The following SDK1 variants were observed in gnomAD, a reference collection of about 807,000 sequenced individuals.
SDK1 encodes sidekick cell adhesion molecule 1.
In SDK1, 157 loss-of-function variants were observed where a neutral mutation model predicts 245.5. The ratio of observed to expected loss-of-function variants is 0.64; its 90% CI spans 0.56 to 0.73. The LOEUF is 0.73. Ranked by LOEUF, SDK1 falls within the 30% of genes least tolerant of loss-of-function variation. The pLI, the probability that SDK1 is intolerant of heterozygous loss-of-function variation, is 0.00. For synonymous variants in SDK1, 1,647 were observed against 1,278.5 expected (o/e 1.29, Z -6.15); for missense variants, 3,583 against 3,002.3 (o/e 1.19, Z -4.52).
intron 4 of SDK1, among the ~76,000 whole-genome samples, chr7:3,800,838 T>C (rs1038474022): frequency 1.3e-5 from 2 of 152,310 alleles, no homozygotes; most frequent in East Asian, 1.9e-4. Flanking sequence ...CTGTAGAAAC[T>C]GTGGTGCATT....
intron 1 of SDK1, among the ~76,000 whole-genome samples, chr7:3,456,510 T>G (rs1277957717): frequency 6.6e-6 from 1 of 152,254 alleles, no homozygotes; most frequent in African/African-American, 2.4e-5. Context: ...GCTCATTCAG[T>G]GAGTTTATCT....
intron 25 of SDK1, among the ~76,000 whole-genome samples, chr7:4,119,471 A>T (rs550557690): frequency 1.0e-4 from 15 of 148,102 alleles, no homozygotes; most frequent in African/African-American, 3.7e-4. Context: ...AAATAATAAG[A>T]ATGGCTCATA....
At chr7:4,156,535 G>A (rs1780750406) in intron 30 of SDK1, among the ~76,000 whole-genome samples, 1 of 152,232 alleles carries the variant, frequency 6.6e-6, no homozygotes, top group South Asian at 2.1e-4. Flanking sequence ...ACCAGACCAG[G>A]TTCTGGAGGG....
chr7:4,109,973 T>C (rs1783229982), intron 22 of SDK1, among the ~76,000 whole-genome samples: 1 of 152,018 alleles, frequency 6.6e-6, no homozygotes, highest in Non-Finnish European at 1.5e-5. Context: ...CTGGGGAACT[T>C]GGAGGGCACC....
chr7:3,984,602 A>G (rs1051977207), intron 13 of SDK1, among the ~76,000 whole-genome samples: 3 of 152,030 alleles, frequency 2.0e-5, no homozygotes, highest in African/African-American at 7.3e-5. Flanking sequence ...ACCTGGCCCG[A>G]GAATGTCTGT....
intron 4 of SDK1, among the ~76,000 whole-genome samples, chr7:3,703,225 A>G (rs528266800): frequency 7.9e-5 from 12 of 152,304 alleles, no homozygotes; most frequent in East Asian, 7.7e-4. Flanking sequence ...GTATTTTTCA[A>G]TGAGTGAATA....
At chr7:4,031,538 T>C (rs1787817612) in intron 17 of SDK1, among the ~76,000 whole-genome samples, 2 of 150,622 alleles carry the variant, frequency 1.3e-5, no homozygotes, top group African/African-American at 4.9e-5. Flanking sequence ...CTAAAACATA[T>C]CAAAAAAGAG....
At chr7:3,453,820 A>T (rs1254204185) in intron 1 of SDK1, among the ~76,000 whole-genome samples, 1 of 152,108 alleles carries the variant, frequency 6.6e-6, no homozygotes, top group Non-Finnish European at 1.5e-5. Flanking sequence ...TCCTGGACTC[A>T]AATGATCTCC....
chr7:3,906,726 C>G (rs1778955333), intron 5 of SDK1, among the ~76,000 whole-genome samples: 1 of 137,068 alleles, frequency 7.3e-6, no homozygotes, highest in Non-Finnish European at 1.5e-5. Flanking sequence ...CTCCCAGGTT[C>G]AAGCAATTAT....
chr7:3,696,357 G>A (rs1239791065), intron 4 of SDK1, among the ~76,000 whole-genome samples: 2 of 151,992 alleles, frequency 1.3e-5, no homozygotes, highest in African/African-American at 4.8e-5. Flanking sequence ...GTGCCCTGAC[G>A]TCCAAGGGAC....
At chr7:3,595,550 A>G (rs56995955) in intron 1 of SDK1, among the ~76,000 whole-genome samples, 16,770 of 152,074 alleles carry the variant, frequency 0.11, 1,518 homozygotes, top group East Asian at 0.35. Flanking sequence ...ATATTTAATT[A>G]TGCAGTTATA....
intron 4 of SDK1, among the ~76,000 whole-genome samples, chr7:3,774,484 G>A (rs1400150347): frequency 1.3e-5 from 2 of 152,206 alleles, no homozygotes; most frequent in East Asian, 3.9e-4. Context: ...CCATGGGACT[G>A]GGGCATGGGA....
At chr7:3,305,514 A>T (rs981439326) in intron 1 of SDK1, among the ~76,000 whole-genome samples, 9 of 152,024 alleles carry the variant, frequency 5.9e-5, no homozygotes, top group Non-Finnish European at 1.2e-4. Flanking sequence ...GTTCACTACA[A>T]ATCTAGCTTC....
chr7:4,035,712 G>C (rs1465553379), intron 17 of SDK1, among the ~76,000 whole-genome samples: 2 of 152,098 alleles, frequency 1.3e-5, no homozygotes, highest in African/African-American at 4.8e-5. Context: ...AAAATAGCAA[G>C]TTTCTTGGAT....
At chr7:3,831,964 T>C (rs898643270) in intron 5 of SDK1, among the ~76,000 whole-genome samples, 4 of 151,878 alleles carry the variant, frequency 2.6e-5, no homozygotes, top group African/African-American at 9.7e-5. Flanking sequence ...GGTAGGAGGA[T>C]CACTTGAGCC....
chr7:3,541,174 A>G (rs567110078), intron 1 of SDK1, among the ~76,000 whole-genome samples: 11 of 152,368 alleles, frequency 7.2e-5, no homozygotes, highest in Admixed American at 1.3e-4. Context: ...TATCCTGTCT[A>G]AGGCAGTGGA....
At chr7:3,352,716 A>G (rs1314327714) in intron 1 of SDK1, among the ~76,000 whole-genome samples, 2 of 151,278 alleles carry the variant, frequency 1.3e-5, no homozygotes, top group African/African-American at 4.9e-5. Context: ...AAGAGAAGAG[A>G]TTTTTCTTTT....
chr7:3,951,093 G>A (rs746227731), intron 6 of SDK1, 59 bp downstream of exon 6: 16 of 1,236,112 alleles, frequency 1.3e-5, no homozygotes, highest in South Asian at 6.1e-5. Context: ...GTGACGAGCC[G>A]ACGATAGAAG....
At chr7:3,842,770 G>A (rs185244694) in intron 5 of SDK1, among the ~76,000 whole-genome samples, 2 of 152,150 alleles carry the variant, frequency 1.3e-5, no homozygotes, top group African/African-American at 2.4e-5. Flanking sequence ...TCTTCTTCAC[G>A]GGAATTCCGC....
Sources: gnomAD v4.1 joint callset for allele counts (sites outside exome capture counted in the v4.1 genomes callset) on GRCh38, gnomAD v4.1.1 for gene constraint, MANE v1.5 for transcripts, NCBI Gene and HGNC (gene_info 2026-07-23, HGNC 2026-07-21) for gene names.